The following SCAF4 variants were observed in gnomAD, a reference collection of about 807,000 sequenced individuals.
SCAF4 encodes SR-related CTD associated factor 4.
In SCAF4, 25 loss-of-function variants were observed where a neutral mutation model predicts 129.8. The observed-to-expected ratio is 0.19, with a 90% CI of 0.14 to 0.27. The LOEUF is 0.27. Ranked by LOEUF, SCAF4 falls within the 10% of genes least tolerant of loss-of-function variation. The pLI is 1.00. For missense variants in SCAF4, 1,246 were observed against 1,457.1 expected (o/e 0.86, Z 2.36); for synonymous variants, 551 against 497.7 (o/e 1.11, Z -1.43).
chr21:31,671,148 T>G lies in SCAF4; in HGVS notation c.*251A>C. 2.6e-6 allele frequency: 1 copy of G among 384,698 alleles called. No homozygotes were observed. Among genetic ancestry groups the G allele is most frequent in the Non-Finnish European group, 4.6e-6 (1 of 218,530 alleles). The allele number at this position is 384,698 out of a possible 1,614,324, so 23.8% of individuals were successfully genotyped here. ...AAATAGAGAGCACTTCTAATTACGA[T>G]TTGTAAACTTTTTAAAGTCAAAACT... On this transcript the variant is annotated 3_prime_UTR_variant, in exon 20 of 20. Transcript: ENST00000286835.
At chr21:31,693,510 T>G (rs369487236) in intron 11 of SCAF4, 26 bp from the exon 12 acceptor site, 29 of 1,415,474 alleles carry the variant, frequency 2.0e-5, no homozygotes, top group Non-Finnish European at 2.7e-5. Flanking sequence ...GAAGGGAGAA[T>G]GCATAGCATA....
chr21:31,722,594 T>C (rs1261521866), intron 1 of SCAF4, among the ~76,000 whole-genome samples: 1 of 152,214 alleles, frequency 6.6e-6, no homozygotes, highest in Non-Finnish European at 1.5e-5. Flanking sequence ...TCAAATATAA[T>C]AGACATTTAC....
intron 1 of SCAF4, among the ~76,000 whole-genome samples, chr21:31,709,193 G>T (rs1261934958): frequency 1.3e-5 from 2 of 152,180 alleles, no homozygotes; most frequent in East Asian, 3.9e-4. Context: ...TGTGGGGGTG[G>T]GGGGGAGCGT....
chr21:31,720,575 A>T (rs1298138400), intron 1 of SCAF4, among the ~76,000 whole-genome samples: 1 of 152,230 alleles, frequency 6.6e-6, no homozygotes, highest in African/African-American at 2.4e-5. Flanking sequence ...GACTAGACTC[A>T]GATGGGCTCT....
chr21:31,691,721 G>T, intron 14 of SCAF4, 96 bp downstream of exon 14: 14 of 372,824 alleles, frequency 3.8e-5, no homozygotes, highest in East Asian at 4.6e-5. Context: ...AGTGTTGAAA[G>T]TCATTTCGAA....
In SCAF4 at chr21:31,719,504, C is replaced by CT. The variant is rs997898399; in HGVS notation, c.30+12158dup. Among the ~76,000 whole-genome samples, 136 of 150,658 alleles carry CT rather than the reference C, an allele frequency of 9.0e-4. No homozygotes were observed. The Middle Eastern group carries it at 0.014, about 15-fold the overall frequency. ...CATGTCCTAATGTATTATTATTCTT[C>CT]TTTTTTTTTGTTTTTTTGAGATGGA... On this transcript the variant is annotated intron_variant, in intron 1 of 19. Transcript: ENST00000286835.
At chr21:31,723,926 C>G (rs568290240) in intron 1 of SCAF4, among the ~76,000 whole-genome samples, 5 of 152,210 alleles carry the variant, frequency 3.3e-5, no homozygotes, top group Admixed American at 3.3e-4. Context: ...TTCTCCTCTA[C>G]CCCCTAGTAA....
chr21:31,725,903 T>G (rs1192148573), intron 1 of SCAF4, among the ~76,000 whole-genome samples: 1 of 152,210 alleles, frequency 6.6e-6, no homozygotes, highest in African/African-American at 2.4e-5. Flanking sequence ...AAAAATGTTA[T>G]TTATATTAAC....
intron 19 of SCAF4, among the ~76,000 whole-genome samples, chr21:31,677,345 T>C (rs1197362677): frequency 1.3e-5 from 2 of 152,142 alleles, no homozygotes. Context: ...GCTGTAGTTT[T>C]TGCCCATCTT....
intron 19 of SCAF4, among the ~76,000 whole-genome samples, chr21:31,678,203 T>C (rs1254978980): frequency 6.6e-6 from 1 of 152,174 alleles, no homozygotes; most frequent in African/African-American, 2.4e-5. Context: ...ATATCCAACA[T>C]TTTAATTTGA....
chr21:31,689,183 T>C (rs774985488), intron 15 of SCAF4, among the ~76,000 whole-genome samples: 1 of 152,166 alleles, frequency 6.6e-6, no homozygotes, highest in African/African-American at 2.4e-5. Flanking sequence ...AATCTAGCTC[T>C]ATCCTTAGAT....
At chr21:31,682,357 GAC>G (rs1201688547) in intron 19 of SCAF4, among the ~76,000 whole-genome samples, 2 of 149,026 alleles carry the variant, frequency 1.3e-5, no homozygotes, top group Non-Finnish European at 3.0e-5. Flanking sequence ...CCAACCTGGC[GAC>G]AGAGTGAGAC....
chr21:31,698,716 T>C (rs1039786400), intron 7 of SCAF4, among the ~76,000 whole-genome samples: 7 of 152,104 alleles, frequency 4.6e-5, no homozygotes, highest in Non-Finnish European at 7.4e-5. Context: ...AGAACTGAGA[T>C]AGAGGGAATT....
intron 1 of SCAF4, among the ~76,000 whole-genome samples, chr21:31,725,984 A>G (rs184136936): frequency 9.2e-5 from 14 of 152,134 alleles, no homozygotes; most frequent in African/African-American, 3.4e-4. Flanking sequence ...TAAATTTCTA[A>G]TATGGTAAAT....
In SCAF4 at chr21:31,717,841, A is replaced by ATATG. The variant is rs1368659249; in HGVS notation, c.31-11485_31-11484insCATA. On this transcript the variant is annotated intron_variant, in intron 1 of 19. Transcript: ENST00000286835. The stretch of plus-strand genomic sequence containing the variant: ...AAACTGCTGCCATATATATATATAT[A>ATATG]TACACACACACACACACACACACAC... Among the ~76,000 whole-genome samples, 71 of 83,332 alleles carry ATATG rather than the reference A, an allele frequency of 8.5e-4. 3 individuals carry two copies. The highest frequency in any genetic ancestry group is 3.0e-3 in the African/African-American group (71 of 23,474). The allele number at this position is 83,332 out of a possible 152,430, so 54.7% of individuals were successfully genotyped here.
At chr21:31,714,034 T>G (rs960515948) in intron 1 of SCAF4, among the ~76,000 whole-genome samples, 7 of 152,108 alleles carry the variant, frequency 4.6e-5, no homozygotes, top group African/African-American at 1.4e-4. Flanking sequence ...GTGAGAAAGA[T>G]TTGGTTTTGA....
intron 9 of SCAF4, 49 bp downstream of exon 9, chr21:31,696,064 C>T: frequency 7.4e-7 from 1 of 1,350,920 alleles, no homozygotes; most frequent in Non-Finnish European, 1.1e-6. Context: ...AAACCATACG[C>T]TCTATAATGA....
chr21:31,687,517 G>C (rs979652760), intron 16 of SCAF4, among the ~76,000 whole-genome samples: 1 of 152,088 alleles, frequency 6.6e-6, no homozygotes, highest in Non-Finnish European at 1.5e-5. Flanking sequence ...CAAGTAACAG[G>C]TTGGCTGACT....
chr21:31,678,214 T>C (rs984941327), intron 19 of SCAF4, among the ~76,000 whole-genome samples: 26 of 152,200 alleles, frequency 1.7e-4, no homozygotes, highest in African/African-American at 5.5e-4. Context: ...TTTAATTTGA[T>C]AGGCTCCCCT....
Sources: gnomAD v4.1 joint callset for allele counts (sites outside exome capture counted in the v4.1 genomes callset) on GRCh38, gnomAD v4.1.1 for gene constraint, MANE v1.5 for transcripts, NCBI Gene and HGNC (gene_info 2026-07-23, HGNC 2026-07-21) for gene names.